The following GALC variants were observed in gnomAD, a reference collection of about 807,000 sequenced individuals.
The protein encoded by GALC is galactocerebrosidase.
In GALC, 77 loss-of-function variants were observed where a neutral mutation model predicts 91.8. The ratio of observed to expected loss-of-function variants is 0.84; its 90% CI spans 0.70 to 1.01. The LOEUF is 1.01. GALC is among the 50% of genes least tolerant of loss of function. GALC has a pLI of 0.00. For synonymous variants in GALC, 357 were observed against 306.7 expected (o/e 1.16, Z -1.71); for missense variants, 882 against 855.9 (o/e 1.03, Z -0.38).
intron 16 of GALC, among the ~76,000 whole-genome samples, chr14:87,936,970 T>C (rs951065370): frequency 1.2e-4 from 17 of 146,636 alleles, no homozygotes; most frequent in Non-Finnish European, 2.4e-4. Flanking sequence ...ATATCATGGA[T>C]GGGAAAATTG....
In GALC at chr14:87,986,382, T is replaced by C. The variant is rs1886970296; in HGVS notation, c.442+107A>G. 6.7e-6 allele frequency: 5 copies of C among 748,852 alleles called. No individual in the cohort carries two copies. In the South Asian group the frequency reaches 7.4e-5, roughly 11 times the overall value. 46.4% of individuals were successfully genotyped at this position (748,852 alleles called of 1,614,324 possible). A position where few individuals can be genotyped will look rare whatever the true frequency, so the allele number is the denominator to read the frequency against. On this transcript the variant is annotated intron_variant, in intron 4 of 16. Coordinates refer to ENST00000261304, the MANE Select transcript of GALC (RefSeq NM_000153.4). ...GCTGGTAGCATACTGGTAGCATTAA[T>C]GACATTATGAGTACTTCCGTATTAA...
chr14:87,978,302 G>A (rs905708607), intron 6 of GALC, among the ~76,000 whole-genome samples: 2 of 152,052 alleles, frequency 1.3e-5, no homozygotes, highest in African/African-American at 4.8e-5. Flanking sequence ...CCGCCACTTT[G>A]GCTTCCCAAA....
In GALC at chr14:87,933,761, T is replaced by C; in HGVS notation, c.*971A>G. On this transcript the variant is annotated 3_prime_UTR_variant, in exon 17 of 17. Transcript: ENST00000261304. ...ATGAACACGCTCACGTATATTTAAA[T>C]ATAAACATATTTGGACTTTAAAAAG... The C allele has an allele frequency of 2.0e-6, 1 of 491,678 alleles. No homozygotes were observed. Among genetic ancestry groups the C allele is most frequent in the Non-Finnish European group, 3.6e-6 (1 of 277,084 alleles). The allele number at this position is 491,678 out of a possible 1,614,324, so 30.5% of individuals were successfully genotyped here.
Position 87,933,606 on chromosome 14 carries a change from C to T in GALC, c.*1126G>A, listed in dbSNP as rs1042035. On this transcript the variant is annotated 3_prime_UTR_variant, in exon 17 of 17. Coordinates refer to ENST00000261304, the MANE Select transcript of GALC (RefSeq NM_000153.4). ...TAGCTAAGCCTATGTTAGACTCTTA[C>T]AAATTCCTAAATAGTAGAATTAGTT... 0.11 allele frequency: 20,460 copies of T among 178,520 alleles called. 1,445 individuals carry two copies. The highest frequency in any genetic ancestry group is 0.16 in the Non-Finnish European group (13,602 of 85,784). 11.1% of individuals were successfully genotyped at this position (178,520 alleles called of 1,614,324 possible). A position where few individuals can be genotyped will look rare whatever the true frequency, so the allele number is the denominator to read the frequency against.
chr14:87,988,618 T>G, intron 1 of GALC, 95 bp from the exon 2 acceptor site: 5 of 926,742 alleles, frequency 5.4e-6, no homozygotes, highest in Non-Finnish European at 9.0e-6. Context: ...ATACACATAT[T>G]TAGCCTCAGG....
Position 87,958,755 on chromosome 14 carries a change from C to G in GALC, c.1161+4629G>C, listed in dbSNP as rs138259254. On this transcript the variant is annotated intron_variant, in intron 10 of 16. Transcript: ENST00000261304. Reference sequence around the variant, plus strand: ...AGAACACGCTAGGAAAAAGGACAGTCTCTTCCATAAACAGCACTGGGAAAA... The same window carrying G: ...AGAACACGCTAGGAAAAAGGACAGTGTCTTCCATAAACAGCACTGGGAAAA... Among the ~76,000 whole-genome samples the G allele has an allele frequency of 1.9e-3, 289 of 152,280 alleles. 1 individual carries two copies. The highest frequency in any genetic ancestry group is 3.3e-3 in the Non-Finnish European group (224 of 68,028).
At position 87,961,199 on chromosome 14, in the gene GALC, C is replaced by T. The variant is rs1885786350; in HGVS notation, c.1161+2185G>A. ...AGAAGATATACTACTAGCCAATAAG[C>T]ACATGAAAAGATCCCCACATCATTA... On this transcript the variant is annotated intron_variant, in intron 10 of 16. Coordinates refer to ENST00000261304, the MANE Select transcript of GALC (RefSeq NM_000153.4). 3.3e-5 allele frequency among the ~76,000 whole-genome samples: 5 copies of T among 152,124 alleles called. No homozygotes were observed. In the South Asian group the frequency reaches 1.0e-3, roughly 31 times the overall value.
intron 10 of GALC, among the ~76,000 whole-genome samples, chr14:87,962,614 CA>C (rs1371487271): frequency 1.5e-4 from 15 of 100,200 alleles, no homozygotes; most frequent in Non-Finnish European, 2.3e-4. Context: ...CACACACACA[CA>C]CACACACACC....
intron 14 of GALC, among the ~76,000 whole-genome samples, chr14:87,942,813 A>C (rs149797373): frequency 1.6e-4 from 25 of 152,132 alleles, no homozygotes; most frequent in Middle Eastern, 3.4e-3. Context: ...GAGCTGGACT[A>C]CTTTACAGGA....
At chr14:87,964,317 AC>A in intron 9 of GALC, among the ~76,000 whole-genome samples, 1 of 152,286 alleles carries the variant, frequency 6.6e-6, no homozygotes, top group East Asian at 1.9e-4. Flanking sequence ...AAAAGGGAAA[AC>A]CACCAAATTT....
rs146616227 is a variant in GALC, at chr14:87,972,889, T to TA, written c.752+3468dup. Among the ~76,000 whole-genome samples, 911 of 152,146 alleles carry TA rather than the reference T, an allele frequency of 6.0e-3. 13 individuals are homozygous for TA. Among genetic ancestry groups the TA allele is most frequent in the African/African-American group, 0.021 (876 of 41,546 alleles). On this transcript the variant is annotated intron_variant, in intron 7 of 16. Transcript: ENST00000261304. ...ATAATGATTTAACTTATAACTTAAG[T>TA]AAACCTTACTGAAATAAGAAAATAC...
At chr14:87,985,324 T>G (rs906837879) in intron 4 of GALC, among the ~76,000 whole-genome samples, 2 of 152,232 alleles carry the variant, frequency 1.3e-5, no homozygotes, top group Non-Finnish European at 2.9e-5. Context: ...ATGCTTATTT[T>G]CTAAACTCAG....
chr14:87,946,040 T>C lies in GALC; in HGVS notation c.1490-307A>G, dbSNP rs550724182. ...CAAATTCGAGTTCAGTCTGTCGCCC[T>C]GGACAAGCTATTTAACTGCCCTGCA... On this transcript the variant is annotated intron_variant, in intron 13 of 16. Coordinates refer to ENST00000261304, the MANE Select transcript of GALC (RefSeq NM_000153.4). Among the ~76,000 whole-genome samples the C allele has an allele frequency of 2.6e-5, 4 of 152,180 alleles. No individual in the cohort carries two copies. The South Asian group carries it at 8.3e-4, about 32-fold the overall frequency.
chr14:87,950,566 T>C (rs1218253303), intron 11 of GALC, 93 bp downstream of exon 11: 1 of 791,988 alleles, frequency 1.3e-6, no homozygotes, highest in African/African-American at 1.7e-5. Context: ...TAAAAGTTCA[T>C]AATATAAGGC....
At chr14:87,963,279 T>A (rs1186418632) in intron 10 of GALC, 105 bp downstream of exon 10, 17 of 1,213,460 alleles carry the variant, frequency 1.4e-5, no homozygotes, top group Non-Finnish European at 1.8e-5. Flanking sequence ...GGCATCTGTC[T>A]GTATGCTTAT....
rs1255796060 is a variant in GALC, at chr14:87,934,334, C to G, written c.*398G>C. ...ATGAAGACACTGGCTCACTTGGACA[C>G]ACGGTCAGCATGCATAAATACATCT... is the stretch of plus-strand genomic sequence containing the variant. On this transcript the variant is annotated 3_prime_UTR_variant, in exon 17 of 17. Coordinates refer to ENST00000261304, the MANE Select transcript of GALC (RefSeq NM_000153.4). 2.4e-6 allele frequency: 3 copies of G among 1,272,836 alleles called. No homozygotes were observed. Among genetic ancestry groups the G allele is most frequent in the Non-Finnish European group, 3.0e-6 (3 of 1,001,688 alleles). 78.8% of individuals were successfully genotyped at this position (1,272,836 alleles called of 1,614,324 possible).
chr14:87,993,317 A>C (rs1887320892), upstream of GALC: 16 of 1,536,574 alleles, frequency 1.0e-5, no homozygotes, highest in East Asian at 2.4e-5. Context: ...TTGAGAAAAG[A>C]AGCAGCGAGC....
In GALC at chr14:87,986,472, C is replaced by A. The variant is rs370953117; in HGVS notation, c.442+17G>T. On this transcript the variant is annotated intron_variant, in intron 4 of 16. Transcript: ENST00000261304. ...AGGAAAAGAGACTGAAGAAACATTG[C>A]AAACTTCATTTCTTACCAATGAGTG... is the stretch of plus-strand genomic sequence containing the variant. 2.1e-5 allele frequency: 31 copies of A among 1,453,628 alleles called. No individual in the cohort carries two copies. The highest frequency in any genetic ancestry group is 2.0e-4 in the East Asian group (9 of 44,140). The allele number at this position is 1,453,628 out of a possible 1,614,324, so 90.0% of individuals were successfully genotyped here.
At chr14:87,955,597 T>G (rs1209707357) in intron 10 of GALC, among the ~76,000 whole-genome samples, 2 of 152,068 alleles carry the variant, frequency 1.3e-5, no homozygotes, top group African/African-American at 4.8e-5. Context: ...ACCGTCAATG[T>G]GAAATCATTT....
Sources: gnomAD v4.1 joint callset for allele counts (sites outside exome capture counted in the v4.1 genomes callset) on GRCh38, gnomAD v4.1.1 for gene constraint, MANE v1.5 for transcripts, NCBI Gene and HGNC (gene_info 2026-07-23, HGNC 2026-07-21) for gene names.